Variants in TERB1 observed in about 807,000 individuals in gnomAD.
The protein encoded by TERB1 is telomere repeats-binding bouquet formation protein 1.
A neutral mutation model predicts 92.3 loss-of-function variants in TERB1; 63 were observed. The ratio of observed to expected loss-of-function variants is 0.68; its 90% CI spans 0.56 to 0.84. TERB1 has a LOEUF of 0.84. Ranked by LOEUF, TERB1 falls within the 40% of genes least tolerant of loss-of-function variation. The probability of loss-of-function intolerance (pLI) is 0.00; values close to 1 mark genes in which losing one functional copy is unlikely to be tolerated. For synonymous variants in TERB1, 252 were observed against 283.9 expected (o/e 0.89, Z 1.13); for missense variants, 709 against 843.7 (o/e 0.84, Z 1.98).
At chr16:66,775,741 C>T (rs2018537895) in intron 11 of TERB1, among the ~76,000 whole-genome samples, 1 of 137,740 alleles carries the variant, frequency 7.3e-6, no homozygotes, top group Non-Finnish European at 1.5e-5. Context: ...GAGGGAATCT[C>T]GCTCTGTCAC....
intron 3 of TERB1, among the ~76,000 whole-genome samples, chr16:66,791,262 C>A (rs1275676345): frequency 6.6e-6 from 1 of 151,292 alleles, no homozygotes; most frequent in Non-Finnish European, 1.5e-5. Flanking sequence ...AATAGAAAGT[C>A]CAAATATTAT....
In TERB1 at chr16:66,769,103, C is replaced by CA. The variant is rs371537754; in HGVS notation, c.1619+859dup. ...CTGGGCAACAAGAGCGAAACTTTCT[C>CA]AAAAAAAAAAAGAAAAAGAAAAAGA... On this transcript the variant is annotated intron_variant, in intron 14 of 18. Transcript: ENST00000433154. Among the ~76,000 whole-genome samples, 768 of 130,078 alleles carry CA rather than the reference C, an allele frequency of 5.9e-3. 6 individuals are homozygous for CA. Among genetic ancestry groups the CA allele is most frequent in the African/African-American group, 0.017 (635 of 36,876 alleles). 85.3% of individuals were successfully genotyped at this position (130,078 alleles called of 152,430 possible).
intron 2 of TERB1, among the ~76,000 whole-genome samples, chr16:66,800,734 G>A (rs979721583): frequency 2.0e-5 from 3 of 152,164 alleles, no homozygotes; most frequent in South Asian, 4.2e-4. Flanking sequence ...AAGAGAGAAG[G>A]GGCAAATTTG....
chr16:66,799,187 C>G lies in TERB1; in HGVS notation c.-33+1790G>C, dbSNP rs1959218164. ...ATTTCCTTAATTTTAATTATCCAAT[C>G]TATTCTGCTTTTAATGTAATTTTTA... On this transcript the variant is annotated intron_variant, in intron 2 of 18. Transcript: ENST00000433154. Among the ~76,000 whole-genome samples, 3 of 152,286 alleles carry G rather than the reference C, an allele frequency of 2.0e-5. No individual in the cohort carries two copies. In the South Asian group the frequency reaches 6.2e-4, roughly 32 times the overall value.
chr16:66,776,725 TAAAAG>T (rs919649693), intron 11 of TERB1, among the ~76,000 whole-genome samples: 1 of 148,586 alleles, frequency 6.7e-6, no homozygotes, highest in African/African-American at 2.5e-5. Context: ...AGGAGGAAAA[TAAAAG>T]GGGGAGAAGA....
Position 66,788,272 on chromosome 16 carries a change from A to G in TERB1, c.297T>C (p.Thr99=), listed in dbSNP as rs536706954. 51 of 1,500,348 alleles carry G rather than the reference A, an allele frequency of 3.4e-5. No individual in the cohort carries two copies. In the East Asian group the frequency reaches 6.2e-4, roughly 18 times the overall value. The allele number at this position is 1,500,348 out of a possible 1,614,324, so 92.9% of individuals were successfully genotyped here. A position where few individuals can be genotyped will look rare whatever the true frequency, so the allele number is the denominator to read the frequency against. The change falls in exon 6 of 19, where the codon ACT becomes ACC. Residue 99 remains threonine (T), a synonymous_variant. Transcript: ENST00000433154. ...KNVYCQQTLC[T]SELFEDLTWF... is the part of the protein sequence containing the mutation. ...AAGTTAAGTCTTCAAACAACTCTGAAGTACACAAAGTCTGCTGACAGTAAA... is the reference window on the plus strand; with the variant it reads ...AAGTTAAGTCTTCAAACAACTCTGAGGTACACAAAGTCTGCTGACAGTAAA...
chr16:66,773,872 C>T (rs1006164955), intron 12 of TERB1, among the ~76,000 whole-genome samples: 2 of 152,020 alleles, frequency 1.3e-5, no homozygotes, highest in African/African-American at 4.8e-5. Flanking sequence ...TGGCACATAA[C>T]AGAAACTCAA....
Position 66,778,979 on chromosome 16 carries a change from A to C in TERB1, c.737T>G (p.Leu246Arg), listed in dbSNP as rs1396402067. ...VQKYFVSVGG[L>R]DVLSQVLMQL... is the part of the protein sequence containing the mutation. ...CATGAGAACTTGAGACAATACATCC[A>C]GTCCGCCCACAGATACGAAGTATTT... is the stretch of plus-strand genomic sequence containing the variant. The change falls in exon 10 of 19, where the codon CTG (leucine) becomes CGG (arginine). Residue 246 changes from leucine (L) to arginine (R), a missense_variant. By Grantham distance (102) the Leu-to-Arg change is moderately radical. Coordinates refer to ENST00000433154, the MANE Select transcript of TERB1 (RefSeq NM_001136505.2). The C allele has an allele frequency of 6.5e-7, 1 of 1,528,918 alleles. No homozygotes were observed. The highest frequency in any genetic ancestry group is 8.9e-7 in the Non-Finnish European group (1 of 1,129,102). The allele number at this position is 1,528,918 out of a possible 1,614,324, so 94.7% of individuals were successfully genotyped here. A position where few individuals can be genotyped will look rare whatever the true frequency, so the allele number is the denominator to read the frequency against.
chr16:66,755,227 T>C, intron 18 of TERB1, 64 bp from the exon 19 acceptor site: 3 of 966,162 alleles, frequency 3.1e-6, no homozygotes, highest in Non-Finnish European at 4.7e-6. Context: ...TGCAAATAAG[T>C]GCTTATTTGG....
chr16:66,789,190 C>T (rs1311418936), intron 5 of TERB1, among the ~76,000 whole-genome samples: 1 of 151,958 alleles, frequency 6.6e-6, no homozygotes, highest in Non-Finnish European at 1.5e-5. Context: ...AAACCCCATT[C>T]TCCATGCCGT....
At chr16:66,797,038 C>A (rs1170393772) in intron 2 of TERB1, among the ~76,000 whole-genome samples, 2 of 152,270 alleles carry the variant, frequency 1.3e-5, no homozygotes, top group Admixed American at 6.5e-5. Flanking sequence ...TGATTAAATT[C>A]TTTGAGGCTC....
At chr16:66,774,732 G>A (rs2018516112) in intron 12 of TERB1, among the ~76,000 whole-genome samples, 1 of 150,324 alleles carries the variant, frequency 6.7e-6, no homozygotes, top group Non-Finnish European at 1.5e-5. Context: ...ACCCAGGCTG[G>A]AGGGCCAGTG....
At chr16:66,780,663 A>G (rs538729893) in intron 9 of TERB1, among the ~76,000 whole-genome samples, 1 of 152,252 alleles carries the variant, frequency 6.6e-6, no homozygotes, top group African/African-American at 2.4e-5. Flanking sequence ...ACAAAAACTC[A>G]GGCATATAAG....
At chr16:66,779,441 A>G (rs897152692) in intron 9 of TERB1, among the ~76,000 whole-genome samples, 3 of 152,068 alleles carry the variant, frequency 2.0e-5, no homozygotes, top group Non-Finnish European at 4.4e-5. Flanking sequence ...TACTAAAAAT[A>G]AAAATAATAA....
rs1259511106 is a variant in TERB1 at position 66,768,150 on chromosome 16, G to A, written c.1638C>T (p.His546=). The change falls in exon 15 of 19, where the codon CAC becomes CAT. Residue 546 remains histidine (H), a synonymous_variant. Transcript: ENST00000433154. ...TTATATTTTTGGCAATGTGAACTGG[G>A]TGTTTAAAAACATGGTCACTAAAAG... is the stretch of plus-strand genomic sequence containing the variant. ...VSQSSDHVFK[H]PVHIAKNIKQ... is the part of the protein sequence containing the mutation. 1.4e-5 allele frequency: 22 copies of A among 1,550,032 alleles called. No homozygotes were observed. The highest frequency in any genetic ancestry group is 1.9e-5 in the Non-Finnish European group (22 of 1,145,630).
At chr16:66,795,564 G>A (rs1366563985) in intron 3 of TERB1, among the ~76,000 whole-genome samples, 1 of 152,154 alleles carries the variant, frequency 6.6e-6, no homozygotes, top group Non-Finnish European at 1.5e-5. Context: ...TAAAATGGAA[G>A]AGAGTGAGGT....
chr16:66,776,341 A>T (rs933856966), intron 11 of TERB1, among the ~76,000 whole-genome samples: 1 of 151,990 alleles, frequency 6.6e-6, no homozygotes, highest in East Asian at 1.9e-4. Context: ...AAAAAAAAAA[A>T]AAAGAAAGAA....
At chr16:66,765,849 ATTTTTTTTTTT>A (rs10564947) in intron 16 of TERB1, among the ~76,000 whole-genome samples, 11 of 62,460 alleles carry the variant, frequency 1.8e-4, no homozygotes, top group Non-Finnish European at 2.8e-4. Context: ...ACTATTGGGT[ATTTTTTTTTTT>A]TTTTTTTTTT....
intron 3 of TERB1, 73 bp from the exon 4 acceptor site, chr16:66,791,092 C>T: frequency 1.3e-6 from 1 of 763,082 alleles, no homozygotes; most frequent in African/African-American, 1.8e-5. Flanking sequence ...ATTTCACTTA[C>T]TAAATACATA....
Sources: allele counts gnomAD v4.1 joint callset (sites outside exome capture counted in the v4.1 genomes callset), GRCh38; gene constraint gnomAD v4.1.1; transcripts MANE v1.5; gene names NCBI Gene and HGNC (gene_info 2026-07-23, HGNC 2026-07-21).